ABCA4: variants seen among roughly 807,000 people sequenced by gnomAD.
ABCA4 encodes ATP binding cassette subfamily A member 4.
In ABCA4, 196 loss-of-function variants were observed where a neutral mutation model predicts 263.7. The observed-to-expected ratio is 0.74, with a 90% confidence interval of 0.66 to 0.84. ABCA4 has a LOEUF of 0.84. Ranked by LOEUF, ABCA4 falls within the 40% of genes least tolerant of loss-of-function variation. ABCA4 has a pLI of 0.00. For synonymous variants in ABCA4, 1,133 were observed against 1,094.2 expected (o/e 1.04, Z -0.70); for missense variants, 2,792 against 2,855.1 (o/e 0.98, Z 0.50).
At chr1:94,075,157 G>A (rs1488933356) in intron 11 of ABCA4, among the ~76,000 whole-genome samples, 3 of 152,098 alleles carry the variant, frequency 2.0e-5, no homozygotes, top group Non-Finnish European at 4.4e-5. Context: ...ACCGGAGCCT[G>A]TTGGGGTGGG....
chr1:94,082,687 T>C (rs554493264), intron 7 of ABCA4, among the ~76,000 whole-genome samples: 1 of 152,348 alleles, frequency 6.6e-6, no homozygotes, highest in East Asian at 1.9e-4. Flanking sequence ...AACTTTTCCC[T>C]CCCTTTCGTA....
intron 49 of ABCA4, among the ~76,000 whole-genome samples, chr1:93,993,558 T>G (rs1174552481): frequency 6.6e-6 from 1 of 151,900 alleles, no homozygotes; most frequent in Non-Finnish European, 1.5e-5. Flanking sequence ...TTACAGGGTC[T>G]TTTGGGGCTT....
chr1:94,045,453 T>C (rs996131108), intron 19 of ABCA4, among the ~76,000 whole-genome samples: 7 of 152,098 alleles, frequency 4.6e-5, no homozygotes, highest in Non-Finnish European at 8.8e-5. Flanking sequence ...ATTATTACTG[T>C]TAGTATTAAA....
At position 94,116,998 on chromosome 1, in the gene ABCA4, CTT is replaced by C. The variant is rs1392130445; in HGVS notation, c.67-3934_67-3933del. Among the ~76,000 whole-genome samples the C allele has an allele frequency of 3.4e-5, 4 of 116,590 alleles. No individual in the cohort carries two copies. The Admixed American group carries it at 3.6e-4, about 11-fold the overall frequency. 76.5% of individuals were successfully genotyped at this position (116,590 alleles called of 152,430 possible). ...TCTTTCTTTCTTTCTTTCTTTCTTTCTTTCTTTCTTTCTTTCTTTCTTTCTTT... is the reference window on the plus strand; with the variant it reads ...TCTTTCTTTCTTTCTTTCTTTCTTTCTCTTTCTTTCTTTCTTTCTTTCTTT... On this transcript the variant is annotated intron_variant, in intron 1 of 49. Coordinates refer to ENST00000370225, the MANE Select transcript of ABCA4 (RefSeq NM_000350.3).
chr1:94,008,736 T>G lies in ABCA4; in HGVS notation c.5835+15A>C. 1 of 1,613,920 alleles carries G rather than the reference T, an allele frequency of 6.2e-7. No individual in the cohort carries two copies. The highest frequency in any genetic ancestry group is 8.5e-7 in the Non-Finnish European group (1 of 1,179,934). On this transcript the variant is annotated intron_variant, in intron 41 of 49. Coordinates refer to ENST00000370225, the MANE Select transcript of ABCA4 (RefSeq NM_000350.3). ...GATCTAACCAGCACCTCCAAACTCATACCCATTCCCTTACCTTGGTTAGTT... is the reference window on the plus strand; with the variant it reads ...GATCTAACCAGCACCTCCAAACTCAGACCCATTCCCTTACCTTGGTTAGTT...
chr1:94,011,054 C>G, intron 39 of ABCA4, 125 bp from the exon 40 acceptor site: 3 of 1,570,210 alleles, frequency 1.9e-6, no homozygotes, highest in Non-Finnish European at 2.6e-6. Context: ...ACACCCGCCT[C>G]ATAAGGGCTG....
At chr1:94,113,368 G>A (rs1345291511) in intron 1 of ABCA4, among the ~76,000 whole-genome samples, 3 of 152,206 alleles carry the variant, frequency 2.0e-5, no homozygotes, top group African/African-American at 4.8e-5. Flanking sequence ...GTGCATTTTA[G>A]CTGTCACTAT....
At chr1:94,005,355 T>C in intron 44 of ABCA4, 86 bp downstream of exon 44, 1 of 1,542,296 alleles carries the variant, frequency 6.5e-7, no homozygotes, top group Non-Finnish European at 9.0e-7. Context: ...CACGCTTCAG[T>C]TTCTCATCTC....
chr1:94,007,803 C>A, intron 42 of ABCA4, 63 bp from the exon 43 acceptor site: 2 of 1,475,120 alleles, frequency 1.4e-6, no homozygotes, highest in Non-Finnish European at 1.9e-6. Flanking sequence ...TGTCAGGCCC[C>A]AGGGTAAGTG....
rs1659664585 is a variant in ABCA4 at position 94,014,425 on chromosome 1, G to A, written c.5460+118C>T. On this transcript the variant is annotated intron_variant, in intron 38 of 49. Coordinates refer to ENST00000370225, the MANE Select transcript of ABCA4 (RefSeq NM_000350.3). ...AGGGTCGGGGGTAGGGAGGAAGAAA[G>A]TGGCACTCATCCGCATACAGCTGCT... 2.7e-5 allele frequency: 31 copies of A among 1,155,966 alleles called. No homozygotes were observed. In the South Asian group the frequency reaches 3.6e-4, roughly 13 times the overall value. The allele number at this position is 1,155,966 out of a possible 1,614,324, so 71.6% of individuals were successfully genotyped here.
intron 11 of ABCA4, among the ~76,000 whole-genome samples, chr1:94,065,971 C>CA (rs1258743656): frequency 6.6e-6 from 1 of 152,248 alleles, no homozygotes; most frequent in African/African-American, 2.4e-5. Flanking sequence ...GATTCTCTCA[C>CA]AAACAGGCAT....
At chr1:93,995,113 G>T (rs902469441) in intron 49 of ABCA4, among the ~76,000 whole-genome samples, 3 of 149,396 alleles carry the variant, frequency 2.0e-5, no homozygotes, top group African/African-American at 5.1e-5. Flanking sequence ...GGAGCCTTAG[G>T]CATTTCTGGG....
chr1:94,020,192 A>G (rs1295760627), intron 35 of ABCA4, among the ~76,000 whole-genome samples: 1 of 152,234 alleles, frequency 6.6e-6, no homozygotes, highest in Non-Finnish European at 1.5e-5. Context: ...ATTTTCAAGA[A>G]GTACATCGTA....
At chr1:94,076,133 C>A (rs535614945) in intron 11 of ABCA4, among the ~76,000 whole-genome samples, 10 of 152,204 alleles carry the variant, frequency 6.6e-5, no homozygotes, top group Non-Finnish European at 1.3e-4. Flanking sequence ...TCTTCCTCCA[C>A]TTCACAGTAA....
At chr1:94,087,943 G>A (rs1388843202) in intron 6 of ABCA4, among the ~76,000 whole-genome samples, 1 of 152,140 alleles carries the variant, frequency 6.6e-6, no homozygotes, top group African/African-American at 2.4e-5. Context: ...GTGTATACGT[G>A]CAAGATTCTC....
Position 93,998,055 on chromosome 1 carries a change from G to T in ABCA4, c.6535C>A (p.Leu2179Ile). The change falls in exon 48 of 50, where the codon CTT becomes ATT. Residue 2179 changes from leucine (L) to isoleucine (I), a missense_variant. By Grantham distance (5) the Leu-to-Ile change is conservative. Transcript: ENST00000370225. ...MKIKSPKDDL[L>I]PDLNPVEQFF... ...TGCTCCACAGGGTTCAGGTCAGGAA[G>T]CAGGTCGTCCTTCGGGGATTTGATC... 1 of 1,614,238 alleles carries T rather than the reference G, an allele frequency of 6.2e-7. No homozygotes were observed. Among genetic ancestry groups the T allele is most frequent in the South Asian group, 1.1e-5 (1 of 91,090 alleles).
At position 94,060,444 on chromosome 1, in the gene ABCA4, T is replaced by C. The variant is rs1661089458; in HGVS notation, c.2160+93A>G. ...AAGCTAGATGTCACGCTCTCCTTGG[T>C]GGCCACATGACTAATCCAGGCACAT... On this transcript the variant is annotated intron_variant, in intron 14 of 49. Coordinates refer to ENST00000370225, the MANE Select transcript of ABCA4 (RefSeq NM_000350.3). 2.5e-6 allele frequency: 3 copies of C among 1,198,094 alleles called. No homozygotes were observed. The African/African-American group carries it at 4.5e-5, about 18-fold the overall frequency. 74.2% of individuals were successfully genotyped at this position (1,198,094 alleles called of 1,614,324 possible). A position where few individuals can be genotyped will look rare whatever the true frequency, so the allele number is the denominator to read the frequency against.
chr1:94,051,524 A>T, intron 17 of ABCA4, 109 bp downstream of exon 17: 1 of 1,005,310 alleles, frequency 9.9e-7, no homozygotes, highest in Non-Finnish European at 1.6e-6. Flanking sequence ...CTGACTCATC[A>T]GGAATCACAC....
In ABCA4 at chr1:93,996,169, C is replaced by T. The variant is rs772598498; in HGVS notation, c.6756G>A (p.Gln2252=). 1 of 1,613,904 alleles carries T rather than the reference C, an allele frequency of 6.2e-7. No individual in the cohort carries two copies. Among genetic ancestry groups the T allele is most frequent in the African/African-American group, 1.3e-5 (1 of 74,934 alleles). The change falls in exon 49 of 50, where the codon CAG becomes CAA. Residue 2252 remains glutamine, a synonymous_variant. Coordinates refer to ENST00000370225, the MANE Select transcript of ABCA4 (RefSeq NM_000350.3). The stretch of plus-strand genomic sequence containing the variant: ...GCAGAGGGAGGTCATGACTTTCAGT[C>T]TGCTGTTTAGCAAAATTTACAAACA... ...DQVFVNFAKQ[Q]TESHDLPLHP...
Sources: gnomAD v4.1 joint callset for allele counts (sites outside exome capture counted in the v4.1 genomes callset) on GRCh38, gnomAD v4.1.1 for gene constraint, MANE v1.5 for transcripts, NCBI Gene and HGNC (gene_info 2026-07-23, HGNC 2026-07-21) for gene names.